The following RBFOX1 variants were observed in gnomAD, a reference collection of about 807,000 sequenced individuals.
RBFOX1 encodes the protein RNA binding protein fox-1 homolog 1.
Under a neutral mutation model 57.7 loss-of-function variants are expected in RBFOX1, and 8 were observed. The observed-to-expected ratio is 0.14, with a 90% CI of 0.08 to 0.25. The LOEUF (loss-of-function observed/expected upper bound fraction) is 0.25. Ranked by LOEUF, RBFOX1 falls within the 10% of genes least tolerant of loss-of-function variation. RBFOX1 has a pLI of 1.00. For missense variants in RBFOX1, 611 were observed against 548.5 expected (o/e 1.11, Z -1.14); for synonymous variants, 326 against 222.4 (o/e 1.47, Z -4.15).
chr16:5,749,396 A>C (rs2053108588), intron 3 of RBFOX1, among the ~76,000 whole-genome samples: 1 of 152,002 alleles, frequency 6.6e-6, no homozygotes, highest in African/African-American at 2.4e-5. Context: ...GTATTTCCTG[A>C]ATTTGAATGT....
At chr16:7,481,252 G>T (rs2151223814) in intron 4 of RBFOX1, among the ~76,000 whole-genome samples, 1 of 152,246 alleles carries the variant, frequency 6.6e-6, no homozygotes, top group East Asian at 1.9e-4. Flanking sequence ...GAAACATAGA[G>T]CCCCCGTCTT....
chr16:6,670,049 C>T (rs2098754513), intron 3 of RBFOX1, among the ~76,000 whole-genome samples: 1 of 152,062 alleles, frequency 6.6e-6, no homozygotes, highest in African/African-American at 2.4e-5. Flanking sequence ...TGAGACAGGG[C>T]CTTGCTCTAG....
intron 2 of RBFOX1, among the ~76,000 whole-genome samples, chr16:6,604,259 A>G: frequency 6.6e-6 from 1 of 152,156 alleles, no homozygotes; most frequent in African/African-American, 2.4e-5. Flanking sequence ...TATCAAAGCC[A>G]TCAAAATGGC....
At chr16:5,893,760 T>G (rs886609174) in intron 4 of RBFOX1, among the ~76,000 whole-genome samples, 11 of 151,238 alleles carry the variant, frequency 7.3e-5, no homozygotes, top group Admixed American at 6.6e-5. Flanking sequence ...GAGCCAAGAT[T>G]GCGCCACTGC....
intron 2 of RBFOX1, among the ~76,000 whole-genome samples, chr16:6,623,502 GT>G (rs1364367029): frequency 6.6e-6 from 1 of 151,094 alleles, no homozygotes; most frequent in African/African-American, 2.4e-5. Flanking sequence ...GTGCAGGTTA[GT>G]TACATATGCA....
At chr16:6,776,411 G>A (rs910013873) in intron 3 of RBFOX1, among the ~76,000 whole-genome samples, 1 of 140,330 alleles carries the variant, frequency 7.1e-6, no homozygotes, top group Non-Finnish European at 1.6e-5. Context: ...ACTCCACCTC[G>A]GAAAAAAACA....
intron 1 of RBFOX1, among the ~76,000 whole-genome samples, chr16:6,262,056 A>G (rs943466927): frequency 1.3e-5 from 2 of 151,900 alleles, no homozygotes; most frequent in East Asian, 1.9e-4. Flanking sequence ...AGAAAGAAAG[A>G]TGGATATTTT....
At chr16:7,158,915 C>G (rs957667317) in intron 4 of RBFOX1, among the ~76,000 whole-genome samples, 13 of 151,892 alleles carry the variant, frequency 8.6e-5, no homozygotes, top group Admixed American at 7.2e-4. Context: ...ATTTGTATTA[C>G]AAACATTTAT....
chr16:7,133,584 C>T (rs1161956374), intron 4 of RBFOX1, among the ~76,000 whole-genome samples: 2 of 152,070 alleles, frequency 1.3e-5, no homozygotes, highest in Non-Finnish European at 2.9e-5. Flanking sequence ...AAGATACACA[C>T]ATGATTAATA....
At chr16:7,480,786 T>C (rs1655105332) in intron 4 of RBFOX1, among the ~76,000 whole-genome samples, 1 of 152,158 alleles carries the variant, frequency 6.6e-6, no homozygotes, top group South Asian at 2.1e-4. Flanking sequence ...TCGTAATTAA[T>C]GATCTGCTGG....
chr16:5,722,878 G>A (rs1221776360), intron 3 of RBFOX1, among the ~76,000 whole-genome samples: 3 of 152,120 alleles, frequency 2.0e-5, no homozygotes, highest in Non-Finnish European at 4.4e-5. Flanking sequence ...TCTGTTGCCA[G>A]CTCTCATTTT....
At chr16:5,463,332 C>G (rs150607607) in intron 1 of RBFOX1, among the ~76,000 whole-genome samples, 1 of 152,208 alleles carries the variant, frequency 6.6e-6, no homozygotes, top group East Asian at 1.9e-4. Flanking sequence ...AAGTGCGTTG[C>G]TTTTCAAGTG....
At chr16:7,319,209 C>A (rs920702700) in intron 4 of RBFOX1, among the ~76,000 whole-genome samples, 1 of 152,226 alleles carries the variant, frequency 6.6e-6, no homozygotes, top group South Asian at 2.1e-4. Flanking sequence ...GTGCCGTAAT[C>A]CTAAAAACAA....
intron 4 of RBFOX1, among the ~76,000 whole-genome samples, chr16:7,505,744 C>A (rs1359127536): frequency 6.6e-6 from 1 of 152,172 alleles, no homozygotes; most frequent in African/African-American, 2.4e-5. Flanking sequence ...TGGCTTCCAT[C>A]CTCTCTCTGT....
intron 3 of RBFOX1, among the ~76,000 whole-genome samples, chr16:5,858,162 G>A (rs1345998768): frequency 1.3e-5 from 2 of 152,002 alleles, no homozygotes; most frequent in African/African-American, 4.8e-5. Context: ...GCACCTAGCC[G>A]CAGAAAGTAA....
At chr16:7,329,489 C>A (rs1470329085) in intron 4 of RBFOX1, among the ~76,000 whole-genome samples, 1 of 152,180 alleles carries the variant, frequency 6.6e-6, no homozygotes, top group Non-Finnish European at 1.5e-5. Context: ...CACAGCTCAG[C>A]AATACTAGGT....
intron 4 of RBFOX1, among the ~76,000 whole-genome samples, chr16:7,382,058 G>C (rs1009978089): frequency 1.3e-5 from 2 of 152,252 alleles, no homozygotes; most frequent in African/African-American, 2.4e-5. Context: ...TTATAAATCA[G>C]TTGGAAGTTG....
chr16:6,367,261 T>C (rs1412652609), intron 2 of RBFOX1, among the ~76,000 whole-genome samples: 1 of 151,138 alleles, frequency 6.6e-6, no homozygotes, highest in Admixed American at 6.6e-5. Context: ...TTTGTTTGTT[T>C]TGTTTTGTTT....
intron 2 of RBFOX1, among the ~76,000 whole-genome samples, chr16:5,551,975 C>CT (rs1326788100): frequency 2.6e-5 from 4 of 152,134 alleles, no homozygotes. Context: ...TGAACTCATT[C>CT]TTTTTTATGC....
Sources: gnomAD v4.1 joint callset for allele counts (sites outside exome capture counted in the v4.1 genomes callset) on GRCh38, gnomAD v4.1.1 for gene constraint, MANE v1.5 for transcripts, NCBI Gene and HGNC (gene_info 2026-07-23, HGNC 2026-07-21) for gene names.